The following FAT3 variants were observed in gnomAD, a reference collection of about 807,000 sequenced individuals.
The protein encoded by FAT3 is FAT atypical cadherin 3, also known as protocadherin Fat 3.
In FAT3, 95 loss-of-function variants were observed where a neutral mutation model predicts 310.2. The ratio of observed to expected loss-of-function variants is 0.31; its 90% CI spans 0.26 to 0.36. The LOEUF (loss-of-function observed/expected upper bound fraction) is 0.36. Ranked by LOEUF, FAT3 falls within the 10% of genes least tolerant of loss-of-function variation. The probability of loss-of-function intolerance (pLI) is 1.00; values close to 1 mark genes in which losing one functional copy is unlikely to be tolerated. For missense variants in FAT3, 5,408 were observed against 5,715.6 expected (o/e 0.95, Z 1.74); for synonymous variants, 2,314 against 2,192.9 (o/e 1.06, Z -1.54).
intron 3 of FAT3, chr11:92,559,383 CT>C (rs386374501): frequency 0.016 from 2,278 of 143,880 alleles, 1 homozygote; most frequent in South Asian, 0.041. Context: ...ACTTATTTTC[CT>C]TTTTTTTTTT....
At chr11:92,246,175 T>A (rs1864895602) in intron 1 of FAT3, among the ~76,000 whole-genome samples, 1 of 152,106 alleles carries the variant, frequency 6.6e-6, no homozygotes, top group South Asian at 2.1e-4. Flanking sequence ...CTGAATACTC[T>A]TTTAAGAAGT....
At chr11:92,401,701 G>A (rs188899683) in intron 2 of FAT3, among the ~76,000 whole-genome samples, 1 of 152,246 alleles carries the variant, frequency 6.6e-6, no homozygotes, top group Non-Finnish European at 1.5e-5. Context: ...ATAATAATAG[G>A]GGAGCCCAGC....
chr11:92,817,366 C>A (rs1947851444), intron 13 of FAT3, among the ~76,000 whole-genome samples: 1 of 152,188 alleles, frequency 6.6e-6, no homozygotes, highest in Non-Finnish European at 1.5e-5. Context: ...CAGAATACTG[C>A]CTTTCCCCTA....
intron 3 of FAT3, among the ~76,000 whole-genome samples, chr11:92,533,169 C>A (rs1487802255): frequency 6.6e-6 from 1 of 152,038 alleles, no homozygotes; most frequent in Admixed American, 6.5e-5. Context: ...GCTGGGACTA[C>A]AGGTATGTAC....
Position 92,291,625 on chromosome 11 carries a change from C to A in FAT3, c.-17-60471C>A, listed in dbSNP as rs561618986. On this transcript the variant is annotated intron_variant, in intron 1 of 27. Coordinates refer to ENST00000525166, the MANE Select transcript of FAT3 (RefSeq NM_001367949.2). ...CTAAATACACATTGTATTCTAGTGGCCAAAAGTTATTTCTGCTTTCCTAGG... is the reference window on the plus strand; with the variant it reads ...CTAAATACACATTGTATTCTAGTGGACAAAAGTTATTTCTGCTTTCCTAGG... Among the ~76,000 whole-genome samples the A allele has an allele frequency of 4.6e-5, 7 of 151,080 alleles. No homozygotes were observed. The South Asian group carries it at 1.5e-3, about 31-fold the overall frequency.
At chr11:92,226,864 G>C (rs1429827446) in intron 1 of FAT3, among the ~76,000 whole-genome samples, 1 of 152,152 alleles carries the variant, frequency 6.6e-6, no homozygotes, top group Non-Finnish European at 1.5e-5. Context: ...CGCTGGGACC[G>C]CGGTAATGAT....
At chr11:92,529,400 A>G (rs1420538722) in intron 3 of FAT3, among the ~76,000 whole-genome samples, 4 of 152,184 alleles carry the variant, frequency 2.6e-5, no homozygotes, top group Non-Finnish European at 4.4e-5. Flanking sequence ...GAGAGGCATG[A>G]TATTATTAGA....
chr11:92,628,447 C>T (rs564363287), intron 3 of FAT3, among the ~76,000 whole-genome samples: 2 of 151,870 alleles, frequency 1.3e-5, no homozygotes, highest in South Asian at 4.2e-4. Flanking sequence ...TTTTTGTGAG[C>T]AGCTATGATA....
Position 92,518,160 on chromosome 11 carries a change from C to T in FAT3, c.3293-6474C>T, listed in dbSNP as rs952913860. The stretch of plus-strand genomic sequence containing the variant: ...TACATTTTACCCAGCAATCCCATTA[C>T]TGTGTATATACCCAAAGGATTATAA... On this transcript the variant is annotated intron_variant, in intron 2 of 27. Transcript: ENST00000525166. Among the ~76,000 whole-genome samples, 5 of 152,232 alleles carry T rather than the reference C, an allele frequency of 3.3e-5. No individual in the cohort carries two copies. In the East Asian group the frequency reaches 7.7e-4, roughly 24 times the overall value.
At chr11:92,358,087 G>A (rs1948782357) in intron 2 of FAT3, among the ~76,000 whole-genome samples, 1 of 151,770 alleles carries the variant, frequency 6.6e-6, no homozygotes, top group Non-Finnish European at 1.5e-5. Context: ...GCAGGAAGGA[G>A]GATCACTTGA....
intron 3 of FAT3, among the ~76,000 whole-genome samples, chr11:92,651,297 G>A (rs990956101): frequency 3.9e-5 from 6 of 152,210 alleles, no homozygotes; most frequent in Non-Finnish European, 7.3e-5. Context: ...ACGTGGAATT[G>A]TGAAGATGGC....
chr11:92,229,510 T>TTTTTTTTTTTTTTTTTTTTC (rs1440088788), intron 1 of FAT3, among the ~76,000 whole-genome samples: 4 of 77,140 alleles, frequency 5.2e-5, no homozygotes, highest in African/African-American at 1.6e-4. Flanking sequence ...TTTTTTTGTT[T>TTTTTTTTTTTTTTTTTTTTC]TTTGTTTTTT....
At chr11:92,458,476 A>G (rs1470971084) in intron 2 of FAT3, among the ~76,000 whole-genome samples, 5 of 152,166 alleles carry the variant, frequency 3.3e-5, no homozygotes, top group Non-Finnish European at 7.3e-5. Context: ...AAGAATGTTC[A>G]TATTAGAATG....
At chr11:92,486,188 T>TTG (rs1952394338) in intron 2 of FAT3, among the ~76,000 whole-genome samples, 1 of 148,002 alleles carries the variant, frequency 6.8e-6, no homozygotes, top group Admixed American at 6.8e-5. Flanking sequence ...TGCTTTAATT[T>TTG]GCTCTCAGAA....
chr11:92,851,634 C>T (rs1948832066), intron 19 of FAT3, among the ~76,000 whole-genome samples: 1 of 152,158 alleles, frequency 6.6e-6, no homozygotes, highest in South Asian at 2.1e-4. Context: ...CCTGCCCTGA[C>T]ATACCATAAA....
intron 3 of FAT3, among the ~76,000 whole-genome samples, chr11:92,576,824 A>G (rs143482748): frequency 3.5e-4 from 54 of 152,310 alleles, no homozygotes; most frequent in African/African-American, 1.3e-3. Flanking sequence ...AGAAGAGATT[A>G]AAGCAGTATA....
At chr11:92,717,879 T>C (rs1944735550) in intron 4 of FAT3, among the ~76,000 whole-genome samples, 1 of 152,176 alleles carries the variant, frequency 6.6e-6, no homozygotes, top group Non-Finnish European at 1.5e-5. Context: ...TTTATTATGA[T>C]ATTTTTACTC....
chr11:92,311,177 TGTACC>T (rs1189130323), intron 1 of FAT3, among the ~76,000 whole-genome samples: 53 of 152,212 alleles, frequency 3.5e-4, no homozygotes, highest in Non-Finnish European at 1.0e-4. Context: ...CTCGGAAAAA[TGTACC>T]TTTGGTTAAG....
rs935524068 is a variant in FAT3 at position 92,882,841 on chromosome 11, G to T, written c.12385G>T (p.Val4129Leu). ...SFLCNCTPGY[V>L]GQYCGLRPVV... Reference sequence around the variant, plus strand: ...CCTCTGCAACTGCACGCCGGGCTACGTGGGCCAGTACTGCGGGCTGCGCCC... The same window carrying T: ...CCTCTGCAACTGCACGCCGGGCTACTTGGGCCAGTACTGCGGGCTGCGCCC... The change falls in exon 24 of 28, where the codon GTG becomes TTG. Residue 4129 changes from valine to leucine, a missense_variant. By Grantham distance (32) the Val-to-Leu change is conservative. Coordinates refer to ENST00000525166, the MANE Select transcript of FAT3 (RefSeq NM_001367949.2). 1 of 1,611,712 alleles carries T rather than the reference G, an allele frequency of 6.2e-7. No individual in the cohort carries two copies. Among genetic ancestry groups the T allele is most frequent in the African/African-American group, 1.3e-5 (1 of 74,910 alleles).
Sources: gnomAD v4.1 joint callset for allele counts (sites outside exome capture counted in the v4.1 genomes callset) on GRCh38, gnomAD v4.1.1 for gene constraint, MANE v1.5 for transcripts, NCBI Gene and HGNC (gene_info 2026-07-23, HGNC 2026-07-21) for gene names.